The following PTPRD variants were observed in gnomAD, a reference collection of about 807,000 sequenced individuals.
PTPRD encodes receptor-type tyrosine-protein phosphatase delta.
Under a neutral mutation model 214.5 loss-of-function variants are expected in PTPRD, and 34 were observed. That is an observed-to-expected ratio of 0.16 (90% CI 0.12 to 0.21). The LOEUF (loss-of-function observed/expected upper bound fraction) is 0.21. PTPRD is among the 10% of genes least tolerant of loss of function. PTPRD has a pLI of 1.00. For synonymous variants in PTPRD, 1,128 were observed against 845.7 expected, an observed-to-expected ratio of 1.33 and a Z score of -5.79; for missense variants, 2,545 against 2,398.7, an observed-to-expected ratio of 1.06 and a Z score of -1.27.
chr9:10,023,577 C>G (rs184097330), intron 4 of PTPRD, among the ~76,000 whole-genome samples: 37 of 151,834 alleles, frequency 2.4e-4, no homozygotes, highest in African/African-American at 8.0e-4. Flanking sequence ...TTCACATGAT[C>G]ATGATCTCTC....
intron 3 of PTPRD, among the ~76,000 whole-genome samples, chr9:10,141,541 C>T (rs1395569112): frequency 6.6e-6 from 1 of 152,076 alleles, no homozygotes; most frequent in Non-Finnish European, 1.5e-5. Context: ...ATTCAACTTA[C>T]AAGGGATGTG....
At chr9:10,050,699 T>G (rs1032911558) in intron 3 of PTPRD, among the ~76,000 whole-genome samples, 1 of 151,256 alleles carries the variant, frequency 6.6e-6, no homozygotes, top group African/African-American at 2.4e-5. Context: ...TAAATGATTA[T>G]CTAATAAACC....
chr9:10,144,561 C>G (rs2099009449), intron 3 of PTPRD, among the ~76,000 whole-genome samples: 1 of 152,098 alleles, frequency 6.6e-6, no homozygotes, highest in Non-Finnish European at 1.5e-5. Flanking sequence ...CAACACTCTG[C>G]TGCCACACTC....
chr9:9,387,699 G>T (rs940818907), intron 9 of PTPRD, among the ~76,000 whole-genome samples: 4 of 152,186 alleles, frequency 2.6e-5, no homozygotes, highest in Admixed American at 6.5e-5. Context: ...AAACAGGAAG[G>T]GTTCCTTTGT....
At chr9:9,913,655 C>T (rs2079861631) in intron 5 of PTPRD, among the ~76,000 whole-genome samples, 1 of 152,094 alleles carries the variant, frequency 6.6e-6, no homozygotes, top group Admixed American at 6.5e-5. Context: ...TTCCTATTGC[C>T]AGGAAAAGGT....
chr9:9,925,933 A>C (rs961215248), intron 5 of PTPRD, among the ~76,000 whole-genome samples: 1 of 152,092 alleles, frequency 6.6e-6, no homozygotes, highest in African/African-American at 2.4e-5. Flanking sequence ...GGCTAAAGAG[A>C]TCCTCCCACC....
chr9:8,450,036 A>G lies in PTPRD; in HGVS notation c.3876-199T>C, dbSNP rs140899897. Among the ~76,000 whole-genome samples the G allele has an allele frequency of 5.1e-3, 779 of 152,184 alleles. 5 individuals are homozygous for G. Among genetic ancestry groups the G allele is most frequent in the Non-Finnish European group, 8.9e-3 (605 of 68,000 alleles). On this transcript the variant is annotated intron_variant, in intron 33 of 45. Coordinates refer to ENST00000381196, the MANE Select transcript of PTPRD (RefSeq NM_002839.4). ...TCTCTCAGGTCTAAAATTTTTGTTTAAGTCAATGATCTCGAAGTCCTCCTC... is the reference window on the plus strand; with the variant it reads ...TCTCTCAGGTCTAAAATTTTTGTTTGAGTCAATGATCTCGAAGTCCTCCTC...
At chr9:9,058,463 T>C (rs2099700631) in intron 10 of PTPRD, among the ~76,000 whole-genome samples, 6 of 105,672 alleles carry the variant, frequency 5.7e-5, no homozygotes, top group African/African-American at 2.3e-4. Context: ...TTTTTTTTTT[T>C]TTTTTGAGAC....
intron 2 of PTPRD, among the ~76,000 whole-genome samples, chr9:10,399,444 G>C (rs141354304): frequency 6.6e-6 from 1 of 152,056 alleles, no homozygotes. Context: ...TTTCATAAGT[G>C]TTATTTAATA....
rs914144526 is a variant in PTPRD, at chr9:8,315,645, C to CT, written c.*2228dup. Reference sequence around the variant, plus strand: ...TTTTTTTTAGTATTATATATATTTTCTTTTTTTTCTTTTTCTTTGTTTTTT... The same window carrying CT: ...TTTTTTTTAGTATTATATATATTTTCTTTTTTTTTCTTTTTCTTTGTTTTTT... On this transcript the variant is annotated 3_prime_UTR_variant, in exon 46 of 46. Transcript: ENST00000381196. 11 of 226,918 alleles carry CT rather than the reference C, an allele frequency of 4.8e-5. No individual in the cohort carries two copies. The highest frequency in any genetic ancestry group is 1.3e-4 in the East Asian group (2 of 15,874). The allele number at this position is 226,918 out of a possible 1,614,324, so 14.1% of individuals were successfully genotyped here.
At chr9:9,926,722 A>C (rs2084448744) in intron 5 of PTPRD, among the ~76,000 whole-genome samples, 1 of 152,172 alleles carries the variant, frequency 6.6e-6, no homozygotes, top group African/African-American at 2.4e-5. Flanking sequence ...TGAAGATTTC[A>C]AGAGAAAATT....
At chr9:10,478,076 C>G (rs2099074690) in intron 2 of PTPRD, among the ~76,000 whole-genome samples, 1 of 151,652 alleles carries the variant, frequency 6.6e-6, no homozygotes, top group Non-Finnish European at 1.5e-5. Context: ...AGGAAACCAC[C>G]ATGGTACATG....
chr9:10,527,082 A>G (rs2054523488), intron 2 of PTPRD, among the ~76,000 whole-genome samples: 1 of 152,186 alleles, frequency 6.6e-6, no homozygotes, highest in Non-Finnish European at 1.5e-5. Flanking sequence ...ACTTCAGAGT[A>G]ATAAATTAGA....
chr9:9,406,294 G>C (rs568320398), intron 8 of PTPRD, among the ~76,000 whole-genome samples: 2 of 152,000 alleles, frequency 1.3e-5, no homozygotes, highest in East Asian at 3.9e-4. Context: ...TTTTGTCTCT[G>C]TCTTTCACTC....
intron 10 of PTPRD, among the ~76,000 whole-genome samples, chr9:9,069,181 T>C (rs1341478009): frequency 6.6e-6 from 1 of 152,182 alleles, no homozygotes; most frequent in Non-Finnish European, 1.5e-5. Context: ...AAGAACTAAT[T>C]TAGTGACATA....
At chr9:8,828,184 T>C (rs931064675) in intron 11 of PTPRD, among the ~76,000 whole-genome samples, 6 of 152,206 alleles carry the variant, frequency 3.9e-5, no homozygotes, top group African/African-American at 1.4e-4. Context: ...AAACTGGTGA[T>C]ACTCAAAGAC....
At chr9:8,865,530 AT>A (rs2098181066) in intron 11 of PTPRD, among the ~76,000 whole-genome samples, 1 of 152,016 alleles carries the variant, frequency 6.6e-6, no homozygotes, top group African/African-American at 2.4e-5. Context: ...AATAGAATGA[AT>A]TTCCCCTGCT....
intron 5 of PTPRD, among the ~76,000 whole-genome samples, chr9:9,842,055 T>C (rs571649061): frequency 6.6e-6 from 1 of 152,040 alleles, no homozygotes; most frequent in Non-Finnish European, 1.5e-5. Flanking sequence ...TTATTTTTTC[T>C]GCTGAAATAG....
chr9:8,664,344 T>C (rs1011831066), intron 12 of PTPRD, among the ~76,000 whole-genome samples: 1 of 152,214 alleles, frequency 6.6e-6, no homozygotes, highest in African/African-American at 2.4e-5. Flanking sequence ...AGGTTCAAAA[T>C]TTTCTTAGTG....
Sources: gnomAD v4.1 joint callset for allele counts (sites outside exome capture counted in the v4.1 genomes callset) on GRCh38, gnomAD v4.1.1 for gene constraint, MANE v1.5 for transcripts, NCBI Gene and HGNC (gene_info 2026-07-23, HGNC 2026-07-21) for gene names.